Variants in CALN1 observed in about 807,000 individuals in gnomAD.
CALN1 encodes calcium-binding protein 8.
Under a neutral mutation model 30.6 loss-of-function variants are expected in CALN1, and 17 were observed. The observed-to-expected ratio is 0.56, with a 90% CI of 0.38 to 0.83. The LOEUF is 0.83. CALN1 is among the 40% of genes least tolerant of loss of function. CALN1 has a pLI of 0.00. For synonymous variants in CALN1, 156 were observed against 131.4 expected (o/e 1.19, Z -1.28); for missense variants, 291 against 354.9 (o/e 0.82, Z 1.45).
chr7:72,319,576 T>A (rs907994909), intron 2 of CALN1, among the ~76,000 whole-genome samples: 1 of 152,208 alleles, frequency 6.6e-6, no homozygotes, highest in African/African-American at 2.4e-5. Context: ...GGAATACTAC[T>A]TAGCCATGAA....
intron 4 of CALN1, among the ~76,000 whole-genome samples, chr7:72,079,741 C>A (rs1804990743): frequency 6.7e-6 from 1 of 148,598 alleles, no homozygotes; most frequent in Non-Finnish European, 1.5e-5. Flanking sequence ...TGTGCAAATG[C>A]CCAAGAGGTT....
chr7:71,933,935 G>T (rs987750727), intron 5 of CALN1, among the ~76,000 whole-genome samples: 3 of 152,086 alleles, frequency 2.0e-5, no homozygotes, highest in Non-Finnish European at 2.9e-5. Context: ...ACACAAAAGG[G>T]GTGGCAAAGA....
chr7:72,457,778 C>T, the CALN1 span, among the ~76,000 whole-genome samples: 1 of 140,902 alleles, frequency 7.1e-6, no homozygotes, highest in South Asian at 2.2e-4. Context: ...TTTTTTGAGA[C>T]AGGGTCTCAC....
At chr7:72,126,358 C>G (rs1278142477) in intron 3 of CALN1, among the ~76,000 whole-genome samples, 1 of 152,152 alleles carries the variant, frequency 6.6e-6, no homozygotes, top group Non-Finnish European at 1.5e-5. Flanking sequence ...ATTTTGACTT[C>G]TGCTGCTAAA....
intron 4 of CALN1, among the ~76,000 whole-genome samples, chr7:72,073,078 G>A (rs914224145): frequency 3.3e-5 from 5 of 152,114 alleles, no homozygotes; most frequent in African/African-American, 7.2e-5. Context: ...AAAAAGGAAG[G>A]AAATTCTGAC....
chr7:71,882,281 C>T (rs931933404), intron 5 of CALN1, among the ~76,000 whole-genome samples: 10 of 152,344 alleles, frequency 6.6e-5, no homozygotes, highest in Admixed American at 5.9e-4. Context: ...CTCACGTCTT[C>T]TCTCTATCTA....
intron 3 of CALN1, among the ~76,000 whole-genome samples, chr7:72,146,561 C>G (rs1256127934): frequency 6.6e-6 from 1 of 152,172 alleles, no homozygotes; most frequent in East Asian, 1.9e-4. Context: ...TTTATAGATT[C>G]AATGCCATCC....
intron 5 of CALN1, among the ~76,000 whole-genome samples, chr7:71,852,311 T>C (rs1432251101): frequency 6.6e-6 from 1 of 151,972 alleles, no homozygotes; most frequent in African/African-American, 2.4e-5. Context: ...GAAGAATGTT[T>C]GGGTTAAAGA....
intron 5 of CALN1, among the ~76,000 whole-genome samples, chr7:71,934,945 A>G (rs974648740): frequency 6.6e-6 from 1 of 152,004 alleles, no homozygotes; most frequent in African/African-American, 2.4e-5. Flanking sequence ...TAATACGAGA[A>G]CAGCACAGTA....
chr7:72,088,046 T>C (rs548392793), intron 4 of CALN1, among the ~76,000 whole-genome samples: 1 of 152,252 alleles, frequency 6.6e-6, no homozygotes, highest in African/African-American at 2.4e-5. Flanking sequence ...CACGCGTCTG[T>C]AGTCCCAGCT....
intron 3 of CALN1, among the ~76,000 whole-genome samples, chr7:72,145,811 T>C (rs1484877827): frequency 6.6e-6 from 1 of 152,126 alleles, no homozygotes; most frequent in Non-Finnish European, 1.5e-5. Flanking sequence ...GCAAGGCTGG[T>C]TCAACATATG....
Position 72,338,525 on chromosome 7 carries a change from G to GTGTGTGTGTGTGTC in CALN1, c.120-59716_120-59715insGACACACACACACA. Among the ~76,000 whole-genome samples the GTGTGTGTGTGTGTC allele has an allele frequency of 2.4e-3, 294 of 122,322 alleles. 10 individuals carry two copies. The highest frequency in any genetic ancestry group is 6.3e-3 in the African/African-American group (201 of 32,056). The allele number at this position is 122,322 out of a possible 152,430, so 80.2% of individuals were successfully genotyped here. A position where few individuals can be genotyped will look rare whatever the true frequency, so the allele number is the denominator to read the frequency against. ...TGTGTGTGTGTGTGTGTGTGTGTGT[G>GTGTGTGTGTGTGTC]TGTCTCACCTGGGTGTGGTTTCAGA... On this transcript the variant is annotated intron_variant, in intron 2 of 6. Coordinates refer to ENST00000395275, the MANE Select transcript of CALN1 (RefSeq NM_031468.4).
chr7:72,294,495 A>G (rs1322586313), intron 2 of CALN1, among the ~76,000 whole-genome samples: 2 of 152,080 alleles, frequency 1.3e-5, no homozygotes, highest in African/African-American at 2.4e-5. Context: ...CATACTCACA[A>G]TCCCCACACT....
At chr7:72,169,071 G>T (rs1174236192) in intron 3 of CALN1, among the ~76,000 whole-genome samples, 1 of 151,838 alleles carries the variant, frequency 6.6e-6, no homozygotes, top group African/African-American at 2.4e-5. Context: ...CTCCCAAAGT[G>T]CTGGGACTTC....
intron 4 of CALN1, among the ~76,000 whole-genome samples, chr7:72,043,543 A>C (rs1802264872): frequency 6.6e-6 from 1 of 152,206 alleles, no homozygotes; most frequent in Non-Finnish European, 1.5e-5. Context: ...CTGAGCTGGG[A>C]AGATTGCTTG....
At chr7:71,922,861 T>C (rs1312404427) in intron 5 of CALN1, among the ~76,000 whole-genome samples, 1 of 133,334 alleles carries the variant, frequency 7.5e-6, no homozygotes, top group African/African-American at 2.9e-5. Flanking sequence ...ATATACACAA[T>C]GTATATTAAT....
chr7:72,012,455 T>TGAGC (rs1330797704), intron 5 of CALN1, among the ~76,000 whole-genome samples: 1 of 152,178 alleles, frequency 6.6e-6, no homozygotes, highest in Admixed American at 6.5e-5. Flanking sequence ...GAGGGTGCAG[T>TGAGC]GAGCCGAGGT....
intron 5 of CALN1, among the ~76,000 whole-genome samples, chr7:71,944,060 C>G (rs1694249243): frequency 6.6e-6 from 1 of 152,140 alleles, no homozygotes; most frequent in Admixed American, 6.5e-5. Flanking sequence ...ACCAAAGCCC[C>G]AGGTTATGAA....
chr7:71,981,635 C>A (rs1310827799), intron 5 of CALN1, among the ~76,000 whole-genome samples: 1 of 151,282 alleles, frequency 6.6e-6, no homozygotes, highest in Non-Finnish European at 1.5e-5. Flanking sequence ...ACAGCTTGAG[C>A]GACAGAGCGA....
Sources: allele counts gnomAD v4.1 joint callset (sites outside exome capture counted in the v4.1 genomes callset), GRCh38; gene constraint gnomAD v4.1.1; transcripts MANE v1.5; gene names NCBI Gene and HGNC (gene_info 2026-07-23, HGNC 2026-07-21).